Variants in CCDC91 observed in about 807,000 individuals in gnomAD.
CCDC91 encodes the protein coiled-coil domain-containing protein 91.
In CCDC91, 48 loss-of-function variants were observed where a neutral mutation model predicts 63.2. That is an observed-to-expected ratio of 0.76 (90% confidence interval 0.60 to 0.97). CCDC91 has a LOEUF of 0.97. Ranked by LOEUF, CCDC91 falls within the 50% of genes least tolerant of loss-of-function variation. The pLI is 0.00. For synonymous variants in CCDC91, 167 were observed against 165.8 expected (o/e 1.01, Z -0.06); for missense variants, 500 against 494.6 (o/e 1.01, Z -0.10).
intron 3 of CCDC91, among the ~76,000 whole-genome samples, chr12:28,273,351 A>T (rs1221954741): frequency 6.6e-6 from 1 of 152,172 alleles, no homozygotes; most frequent in Non-Finnish European, 1.5e-5. Context: ...TTGGGTATAT[A>T]CCCAGTAATG....
chr12:28,322,057 C>T (rs1158111676), intron 6 of CCDC91, among the ~76,000 whole-genome samples: 2 of 151,626 alleles, frequency 1.3e-5, no homozygotes, highest in African/African-American at 2.4e-5. Context: ...TGTTTATTTT[C>T]TTTAAAGCTA....
chr12:28,256,935 A>G, intron 1 of CCDC91: 1 of 349,128 alleles, frequency 2.9e-6, no homozygotes, highest in South Asian at 3.9e-5. Flanking sequence ...CAATTTGGGA[A>G]AAGCAAATTA....
intron 8 of CCDC91, among the ~76,000 whole-genome samples, chr12:28,411,274 A>G (rs1947301041): frequency 6.6e-6 from 1 of 152,082 alleles, no homozygotes; most frequent in Non-Finnish European, 1.5e-5. Flanking sequence ...TACTGCTCTT[A>G]CCATTAGCAT....
chr12:28,199,130 T>G (rs1368947904), intron 1 of CCDC91: 1 of 152,124 alleles, frequency 6.6e-6, no homozygotes, highest in African/African-American at 2.4e-5. Context: ...CCTGAGCTGG[T>G]CTTGAACTCC....
chr12:28,485,226 T>C (rs1266732843), intron 12 of CCDC91, among the ~76,000 whole-genome samples: 1 of 151,890 alleles, frequency 6.6e-6, no homozygotes, highest in Non-Finnish European at 1.5e-5. Flanking sequence ...TGGCGCGATC[T>C]CCGCTCACTG....
At position 28,307,643 on chromosome 12, in the gene CCDC91, A is replaced by ATTT. The variant is rs772530148; in HGVS notation, c.472-2_472-1insTTT. On this transcript the variant is annotated splice_acceptor_variant, in intron 5 of 12. Transcript: ENST00000536442. LOFTEE classifies it high-confidence loss of function. ...AAGCTTGTATTTGTATTTTTATTTT[A>ATTT]GGATGTGGAATCATTGATGGAAAAG... 6.9e-7 allele frequency: 1 copy of ATTT among 1,447,350 alleles called. No homozygotes were observed. The highest frequency in any genetic ancestry group is 9.4e-7 in the Non-Finnish European group (1 of 1,059,828). The allele number at this position is 1,447,350 out of a possible 1,614,324, so 89.7% of individuals were successfully genotyped here. A position where few individuals can be genotyped will look rare whatever the true frequency, so the allele number is the denominator to read the frequency against.
intron 8 of CCDC91, among the ~76,000 whole-genome samples, chr12:28,437,664 A>G (rs1948980662): frequency 6.6e-6 from 1 of 152,058 alleles, no homozygotes; most frequent in Non-Finnish European, 1.5e-5. Context: ...TATCTTTTTA[A>G]ATGTTTAATG....
At chr12:28,374,555 A>G (rs548008406) in intron 7 of CCDC91, among the ~76,000 whole-genome samples, 2 of 152,294 alleles carry the variant, frequency 1.3e-5, no homozygotes, top group East Asian at 3.9e-4. Flanking sequence ...ATAAAACAAT[A>G]TCCTAAAGCA....
intron 3 of CCDC91, among the ~76,000 whole-genome samples, chr12:28,262,565 T>G (rs1276869558): frequency 6.6e-6 from 1 of 152,002 alleles, no homozygotes; most frequent in Admixed American, 6.6e-5. Flanking sequence ...TTGAGGTGCC[T>G]CAAGACATGC....
At chr12:28,309,573 C>T (rs373094378) in intron 6 of CCDC91, among the ~76,000 whole-genome samples, 1 of 151,958 alleles carries the variant, frequency 6.6e-6, no homozygotes, top group Non-Finnish European at 1.5e-5. Flanking sequence ...ACCTATTGCT[C>T]CTAGTTAACA....
At chr12:28,524,596 A>G (rs1592953509) in intron 12 of CCDC91, among the ~76,000 whole-genome samples, 1 of 152,228 alleles carries the variant, frequency 6.6e-6, no homozygotes, top group East Asian at 1.9e-4. Context: ...TTTAGATATT[A>G]GGGTGATACT....
chr12:28,457,612 A>G (rs1428549471), intron 11 of CCDC91, among the ~76,000 whole-genome samples: 1 of 151,638 alleles, frequency 6.6e-6, no homozygotes, highest in Non-Finnish European at 1.5e-5. Flanking sequence ...CTGAGGAGAT[A>G]AATGTTAAAC....
intron 11 of CCDC91, among the ~76,000 whole-genome samples, chr12:28,477,554 C>G (rs1456937897): frequency 6.6e-6 from 1 of 152,056 alleles, no homozygotes; most frequent in East Asian, 1.9e-4. Flanking sequence ...TGAAAACTGG[C>G]ACAAGACAGG....
chr12:28,197,602 T>C (rs1941880684), intron 1 of CCDC91, among the ~76,000 whole-genome samples: 1 of 152,090 alleles, frequency 6.6e-6, no homozygotes, highest in African/African-American at 2.4e-5. Flanking sequence ...AGAGCTTGAG[T>C]TTGTTCACAA....
intron 1 of CCDC91, among the ~76,000 whole-genome samples, chr12:28,227,894 A>G (rs1360424530): frequency 1.3e-5 from 2 of 152,068 alleles, no homozygotes; most frequent in Admixed American, 6.6e-5. Context: ...TGATCTCACT[A>G]TAGCATTGTT....
intron 1 of CCDC91, among the ~76,000 whole-genome samples, chr12:28,203,967 G>GT (rs1003997407): frequency 2.0e-5 from 3 of 151,976 alleles, no homozygotes; most frequent in African/African-American, 7.3e-5. Flanking sequence ...GAATTTCCTA[G>GT]TTAAAAAAAA....
At chr12:28,503,587 A>G (rs1938269803) in intron 12 of CCDC91, among the ~76,000 whole-genome samples, 1 of 152,226 alleles carries the variant, frequency 6.6e-6, no homozygotes, top group African/African-American at 2.4e-5. Context: ...ATCACTGGGT[A>G]TATACCCAAA....
chr12:28,219,664 G>A (rs1943804083), intron 1 of CCDC91, among the ~76,000 whole-genome samples: 2 of 151,640 alleles, frequency 1.3e-5, no homozygotes, highest in African/African-American at 2.4e-5. Flanking sequence ...TAGTAGAGAC[G>A]GGGTTTCACT....
At chr12:28,200,739 T>G (rs1942171419) in intron 1 of CCDC91, among the ~76,000 whole-genome samples, 1 of 151,672 alleles carries the variant, frequency 6.6e-6, no homozygotes, top group African/African-American at 2.4e-5. Flanking sequence ...CCCCTTTCTA[T>G]TCCACAAAAC....
Sources: gnomAD v4.1 joint callset for allele counts (sites outside exome capture counted in the v4.1 genomes callset) on GRCh38, gnomAD v4.1.1 for gene constraint, MANE v1.5 for transcripts, NCBI Gene and HGNC (gene_info 2026-07-23, HGNC 2026-07-21) for gene names.